SLC8A1: variants seen among roughly 807,000 people sequenced by gnomAD.
SLC8A1 encodes the protein sodium/calcium exchanger 1.
A neutral mutation model predicts 68.3 loss-of-function variants in SLC8A1; 18 were observed. The ratio of observed to expected loss-of-function variants is 0.26; its 90% confidence interval spans 0.18 to 0.39. The LOEUF (loss-of-function observed/expected upper bound fraction) is 0.39. Among genes scored for constraint, SLC8A1 ranks in the 10% least tolerant of loss-of-function variants. The pLI, the probability that SLC8A1 is intolerant of heterozygous loss-of-function variation, is 1.00. For missense variants in SLC8A1, 985 were observed against 1,156.7 expected (o/e 0.85, Z 2.15); for synonymous variants, 475 against 415.5 (o/e 1.14, Z -1.74).
chr2:40,270,882 G>A (rs926536916), intron 2 of SLC8A1, among the ~76,000 whole-genome samples: 1 of 152,138 alleles, frequency 6.6e-6, no homozygotes, highest in African/African-American at 2.4e-5. Flanking sequence ...CTTCAGGCTA[G>A]AGCTGTCTTT....
At chr2:40,394,111 C>T (rs1686149821) in intron 2 of SLC8A1, among the ~76,000 whole-genome samples, 1 of 151,928 alleles carries the variant, frequency 6.6e-6, no homozygotes, top group South Asian at 2.1e-4. Flanking sequence ...CACAGGACAG[C>T]CCCCCACAAA....
intron 2 of SLC8A1, among the ~76,000 whole-genome samples, chr2:40,331,304 A>G (rs965887522): frequency 3.3e-5 from 5 of 152,176 alleles, no homozygotes; most frequent in Admixed American, 3.3e-4. Flanking sequence ...GAAAAGTCTA[A>G]CCAATGCTTT....
chr2:40,383,643 C>A (rs1559470265), intron 2 of SLC8A1, among the ~76,000 whole-genome samples: 1 of 151,996 alleles, frequency 6.6e-6, no homozygotes, highest in Non-Finnish European at 1.5e-5. Flanking sequence ...CAAGGTCACA[C>A]CAACTAATTA....
intron 7 of SLC8A1, chr2:40,118,320 A>C (rs1174035953): frequency 6.6e-6 from 1 of 152,260 alleles, no homozygotes; most frequent in African/African-American, 2.4e-5. Flanking sequence ...AGTTCATTTC[A>C]GGTGGCCCTG....
intron 1 of SLC8A1, among the ~76,000 whole-genome samples, chr2:40,434,795 G>C (rs1191793618): frequency 2.0e-5 from 3 of 152,134 alleles, no homozygotes. Flanking sequence ...ACAGATTACA[G>C]ACCCAAATGA....
intron 2 of SLC8A1, among the ~76,000 whole-genome samples, chr2:40,217,363 C>A (rs2057658705): frequency 6.6e-6 from 1 of 152,094 alleles, no homozygotes; most frequent in Non-Finnish European, 1.5e-5. Context: ...TGTTTTGGTA[C>A]CAGTACCATG....
At chr2:40,490,697 T>C (rs1279594898) in intron 1 of SLC8A1, among the ~76,000 whole-genome samples, 1 of 152,056 alleles carries the variant, frequency 6.6e-6, no homozygotes, top group Non-Finnish European at 1.5e-5. Context: ...TGTCCAAGAA[T>C]AAAACTCAAA....
In SLC8A1 at chr2:40,362,656, G is replaced by C. The variant is rs1015907611; in HGVS notation, c.1808+65817C>G. On this transcript the variant is annotated intron_variant, in intron 2 of 7. Transcript: ENST00000406785. ...GGTGACTCAAATATCACAAAATGTT[G>C]TTGCCTTGGGTGGGTATAATATTCC... Among the ~76,000 whole-genome samples, 3 of 152,046 alleles carry C rather than the reference G, an allele frequency of 2.0e-5. No individual in the cohort carries two copies. In the East Asian group the frequency reaches 5.8e-4, roughly 29 times the overall value.
At chr2:40,113,405 T>C (rs1185150076) in exon 8 of SLC8A1, 2 of 152,816 alleles carry the variant, frequency 1.3e-5, no homozygotes, top group Non-Finnish European at 2.9e-5. Context: ...GGTTTATCCA[T>C]GTTCTTTGGT....
Position 40,140,688 on chromosome 2 carries a change from C to A in SLC8A1, c.2162-1012G>T, listed in dbSNP as rs181508162. Among the ~76,000 whole-genome samples, 7 of 152,356 alleles carry A rather than the reference C, an allele frequency of 4.6e-5. No homozygotes were observed. In the East Asian group the frequency reaches 1.4e-3, roughly 29 times the overall value. On this transcript the variant is annotated intron_variant, in intron 6 of 7. Transcript: ENST00000406785. ...GTTCTCTTCTCCAGTTGACTGAGAA[C>A]CCTTCCAGGGCAGGAATTCATGCAT...
At chr2:40,287,057 T>G (rs899741572) in intron 2 of SLC8A1, among the ~76,000 whole-genome samples, 1 of 152,108 alleles carries the variant, frequency 6.6e-6, no homozygotes, top group East Asian at 1.9e-4. Flanking sequence ...CTACCTCCCA[T>G]GAAAGGAATT....
intron 2 of SLC8A1, among the ~76,000 whole-genome samples, chr2:40,312,251 T>G (rs2073815836): frequency 6.6e-6 from 1 of 152,162 alleles, no homozygotes; most frequent in East Asian, 1.9e-4. Flanking sequence ...GGACTTTGAA[T>G]CACCTTCTTT....
At chr2:40,237,275 C>G (rs530832945) in intron 2 of SLC8A1, among the ~76,000 whole-genome samples, 39 of 152,236 alleles carry the variant, frequency 2.6e-4, no homozygotes, top group Non-Finnish European at 1.6e-4. Flanking sequence ...TTCACATAGT[C>G]CCATATTTCT....
intron 2 of SLC8A1, among the ~76,000 whole-genome samples, chr2:40,306,721 A>C (rs1187065155): frequency 6.6e-6 from 1 of 152,160 alleles, no homozygotes; most frequent in Non-Finnish European, 1.5e-5. Context: ...CCCAATGTCA[A>C]TTACTGCACG....
exon 2 of SLC8A1, chr2:40,428,612 C>G: frequency 6.2e-7 from 1 of 1,613,866 alleles, no homozygotes; most frequent in Non-Finnish European, 8.5e-7. Flanking sequence ...ACTTTCACCT[C>G]CATGATGCCA....
intron 2 of SLC8A1, among the ~76,000 whole-genome samples, chr2:40,205,082 G>A (rs138240205): frequency 1.8e-4 from 27 of 152,054 alleles, no homozygotes; most frequent in African/African-American, 6.3e-4. Context: ...GAAGATGAAA[G>A]AACAGTGGCC....
At chr2:40,327,960 A>C (rs554951197) in intron 2 of SLC8A1, among the ~76,000 whole-genome samples, 2 of 152,174 alleles carry the variant, frequency 1.3e-5, no homozygotes, top group East Asian at 3.9e-4. Flanking sequence ...TAAAACTGAA[A>C]AAAAAATACA....
rs181477418 is a variant in SLC8A1, at chr2:40,238,401, G to A, written c.1809-60546C>T. ...TGTCCGTCACCCCTTTCTTTGACTC[G>A]GAAGGGAAACTCCCTGACCCCTTGC... On this transcript the variant is annotated intron_variant, in intron 2 of 7. Transcript: ENST00000406785. 4.4e-4 allele frequency among the ~76,000 whole-genome samples: 66 copies of A among 150,730 alleles called. 1 individual carries two copies. The East Asian group carries it at 5.6e-3, about 13-fold the overall frequency.
intron 2 of SLC8A1, among the ~76,000 whole-genome samples, chr2:40,355,446 T>C (rs1672373212): frequency 6.6e-6 from 1 of 152,066 alleles, no homozygotes; most frequent in African/African-American, 2.4e-5. Context: ...GCTTTCTTGG[T>C]CCATTTCAAG....
Sources: gnomAD v4.1 joint callset for allele counts (sites outside exome capture counted in the v4.1 genomes callset) on GRCh38, gnomAD v4.1.1 for gene constraint, MANE v1.5 for transcripts, NCBI Gene and HGNC (gene_info 2026-07-23, HGNC 2026-07-21) for gene names.